Variants in MT1X observed in about 807,000 individuals in gnomAD.
The protein encoded by MT1X is metallothionein 1X.
In MT1X, 7 loss-of-function variants were observed where a neutral mutation model predicts 8.6. The observed-to-expected ratio is 0.81, with a 90% CI of 0.46 to 1.52. MT1X has a LOEUF of 1.52. MT1X is among the 40% of genes most tolerant of loss of function. The pLI is 0.01. For synonymous variants in MT1X, 25 were observed against 27.6 expected, an observed-to-expected ratio of 0.91 and a Z score of 0.30; for missense variants, 72 against 74.3, an observed-to-expected ratio of 0.97 and a Z score of 0.11.
At chr16:56,683,438 A>AC in intron 2 of MT1X, 1 of 569,116 alleles carries the variant, frequency 1.8e-6, no homozygotes, top group East Asian at 3.3e-5. Context: ...CAGAGAGGTT[A>AC]CCAGATAGTG....
intron 1 of MT1X, chr16:56,682,835 G>A: frequency 1.7e-6 from 1 of 598,304 alleles, no homozygotes; most frequent in Non-Finnish European, 2.9e-6. Context: ...CCAATGCTCT[G>A]ACCAGGCTCT....
At chr16:56,683,913 C>T in intron 2 of MT1X, 45 bp from the exon 3 acceptor site, 1 of 1,612,354 alleles carries the variant, frequency 6.2e-7, no homozygotes, top group Admixed American at 1.7e-5. Flanking sequence ...AGGGAGGTGC[C>T]TGATTGAGTC....
In MT1X at chr16:56,684,000, A is replaced by G; in HGVS notation, c.137A>G (p.Gln46Arg). 1 of 1,614,044 alleles carries G rather than the reference A, an allele frequency of 6.2e-7. No homozygotes were observed. The highest frequency in any genetic ancestry group is 8.5e-7 in the Non-Finnish European group (1 of 1,179,980). Residue 46 changes from glutamine to arginine, a missense_variant, in exon 3 of 3, where the codon CAG becomes CGG. Transcript: ENST00000394485. ...CCTGTGGGCTGTGCCAAGTGTGCCC[A>G]GGGCTGCATCTGCAAAGGGACGTCA... Reference protein sequence around the residue: ...CCPVGCAKCAQGCICKGTSDK... With the variant: ...CCPVGCAKCARGCICKGTSDK...
chr16:56,682,771 C>T lies in MT1X; in HGVS notation c.28+203C>T. 6.1e-6 allele frequency: 4 copies of T among 654,422 alleles called. No homozygotes were observed. The South Asian group carries it at 7.7e-5, about 13-fold the overall frequency. The allele number at this position is 654,422 out of a possible 1,614,324, so 40.5% of individuals were successfully genotyped here. Reference sequence around the variant, plus strand: ...AGTTAGAGTTGAGGGTACTGAGGCCCAAGGCTGTCCTGCTCCATGTCACCC... The same window carrying T: ...AGTTAGAGTTGAGGGTACTGAGGCCTAAGGCTGTCCTGCTCCATGTCACCC... On this transcript the variant is annotated intron_variant, in intron 1 of 2. Coordinates refer to ENST00000394485, the MANE Select transcript of MT1X (RefSeq NM_005952.4).
At position 56,684,089 on chromosome 16, in the gene MT1X, C is replaced by G. The variant is rs1406349375; in HGVS notation, c.*40C>G. 1.9e-6 allele frequency: 3 copies of G among 1,548,888 alleles called. No homozygotes were observed. The highest frequency in any genetic ancestry group is 1.4e-5 in the African/African-American group (1 of 71,264). ...TGCTCTCAGATGTAAATAGAGCAAC[C>G]TATATAAACCTGGATTTTTTTTTTT... On this transcript the variant is annotated 3_prime_UTR_variant, in exon 3 of 3. Coordinates refer to ENST00000394485, the MANE Select transcript of MT1X (RefSeq NM_005952.4).
intron 2 of MT1X, 114 bp from the exon 3 acceptor site, chr16:56,683,844 C>A: frequency 6.9e-7 from 1 of 1,459,222 alleles, no homozygotes; most frequent in Non-Finnish European, 9.4e-7. Flanking sequence ...GCCATGCCAT[C>A]CTGAAATGAT....
At chr16:56,683,112 C>T in intron 1 of MT1X, 53 bp from the exon 2 acceptor site, 1 of 1,605,572 alleles carries the variant, frequency 6.2e-7, no homozygotes, top group Non-Finnish European at 8.5e-7. Context: ...TGACCAGCTG[C>T]TGTACCTTCT....
intron 2 of MT1X, chr16:56,683,620 C>T (rs1961028196): frequency 7.6e-6 from 3 of 394,524 alleles, no homozygotes; most frequent in Non-Finnish European, 1.4e-5. Flanking sequence ...CCCTAGCCTT[C>T]CCCAGAACTG....
chr16:56,683,173 T>G lies in MT1X; in HGVS notation c.37T>G (p.Cys13Gly), dbSNP rs1961022235. Residue 13 changes from cysteine (C) to glycine (G), a missense_variant, in exon 2 of 3, where the codon TGT becomes GGT. Physicochemically the swap from Cys to Gly is radical, Grantham distance 159. Coordinates refer to ENST00000394485, the MANE Select transcript of MT1X (RefSeq NM_005952.4). Reference protein sequence around the residue: ...PNCSCSPVGSCACAGSCKCKE... With the variant: ...PNCSCSPVGSGACAGSCKCKE... ...TTTTCTCTTCCTTGCAGTTGGCTCC[T>G]GTGCCTGTGCCGGCTCCTGCAAATG... 1 of 1,613,888 alleles carries G rather than the reference T, an allele frequency of 6.2e-7. No homozygotes were observed. The highest frequency in any genetic ancestry group is 8.5e-7 in the Non-Finnish European group (1 of 1,179,916).
chr16:56,684,149 T>A lies in MT1X; in HGVS notation c.*100T>A. 1.5e-6 allele frequency: 2 copies of A among 1,376,124 alleles called. No individual in the cohort carries two copies. Among genetic ancestry groups the A allele is most frequent in the Middle Eastern group, 1.9e-4 (1 of 5,342 alleles). The allele number at this position is 1,376,124 out of a possible 1,614,324, so 85.2% of individuals were successfully genotyped here. ...GTACAACCCTGACCCGTTTGCTACA[T>A]CTTTTTTTCTATGAAATATGTGAAT... On this transcript the variant is annotated 3_prime_UTR_variant, in exon 3 of 3. Coordinates refer to ENST00000394485, the MANE Select transcript of MT1X (RefSeq NM_005952.4).
rs1961025212 is a variant in MT1X at position 56,683,330 on chromosome 16, C to CAA, written c.94+102_94+103dup. On this transcript the variant is annotated intron_variant, in intron 2 of 2. Transcript: ENST00000394485. ...GGGGCAGGCCAATGACCAGCTTCCC[C>CAA]AAACCCCTCCTTCAACACCTGATTC... The CAA allele has an allele frequency of 3.6e-6, 5 of 1,383,950 alleles. No individual in the cohort carries two copies. The African/African-American group carries it at 5.7e-5, about 16-fold the overall frequency. The allele number at this position is 1,383,950 out of a possible 1,614,324, so 85.7% of individuals were successfully genotyped here.
At chr16:56,682,869 TGG>T in intron 1 of MT1X, 1 of 590,450 alleles carries the variant, frequency 1.7e-6, no homozygotes, top group Non-Finnish European at 3.0e-6. Context: ...GGATGGGAAG[TGG>T]GGGGCCATTG....
chr16:56,683,285 A>G, intron 2 of MT1X, 55 bp downstream of exon 2: 1 of 1,604,920 alleles, frequency 6.2e-7, no homozygotes, highest in Non-Finnish European at 8.5e-7. Flanking sequence ...TAGAGCAGGG[A>G]ACCCAGAGCT....
At chr16:56,683,362 A>G (rs886941658) in intron 2 of MT1X, 132 bp downstream of exon 2, 95 of 1,064,760 alleles carry the variant, frequency 8.9e-5, no homozygotes, top group Non-Finnish European at 1.2e-4. Flanking sequence ...ATTCAGAATC[A>G]GACCTCAAAT....
rs747646095 is a variant in MT1X, at chr16:56,683,229, G to C, written c.93G>C (p.Lys31Asn). 1 of 1,613,942 alleles carries C rather than the reference G, an allele frequency of 6.2e-7. No individual in the cohort carries two copies. Among genetic ancestry groups the C allele is most frequent in the Admixed American group, 1.7e-5 (1 of 60,020 alleles). The change falls in exon 2 of 3, where the codon AAG (lysine) becomes AAC (asparagine). Residue 31 changes from lysine to asparagine, a missense_variant and splice_region_variant. Coordinates refer to ENST00000394485, the MANE Select transcript of MT1X (RefSeq NM_005952.4). Reference protein sequence around the residue: ...CKECKCTSCKKSCCSCCPVGC... With the variant: ...CKECKCTSCKNSCCSCCPVGC... ...AGTGCAAATGCACCTCCTGCAAGAAGAGTGAGTGCAGGGCCTTCCCTGCGA... is the reference window on the plus strand; with the variant it reads ...AGTGCAAATGCACCTCCTGCAAGAACAGTGAGTGCAGGGCCTTCCCTGCGA...
chr16:56,682,861 A>T (rs1027774691), intron 1 of MT1X: 1 of 591,676 alleles, frequency 1.7e-6, no homozygotes, highest in Non-Finnish European at 3.0e-6. Flanking sequence ...GTCAGGGTGG[A>T]TGGGAAGTGG....
intron 1 of MT1X, 190 bp from the exon 2 acceptor site, chr16:56,682,972 AAGC>A: frequency 1.5e-6 from 1 of 678,972 alleles, no homozygotes; most frequent in Non-Finnish European, 2.5e-6. Context: ...TGTGGGGTAA[AAGC>A]AACAGAACAC....
intron 2 of MT1X, 173 bp downstream of exon 2, chr16:56,683,403 T>G (rs1282758452): frequency 1.5e-6 from 1 of 681,618 alleles, no homozygotes; most frequent in Non-Finnish European, 2.4e-6. Context: ...CCCAGCCTCT[T>G]ATTACCAAAC....
chr16:56,683,097 G>A (rs1227388992), intron 1 of MT1X, 68 bp from the exon 2 acceptor site: 4 of 1,582,248 alleles, frequency 2.5e-6, no homozygotes, highest in Non-Finnish European at 3.5e-6. Context: ...TCACTGAAGC[G>A]TTATTGACCA....
Sources: gnomAD v4.1 joint callset for allele counts on GRCh38, gnomAD v4.1.1 for gene constraint, MANE v1.5 for transcripts, NCBI Gene and HGNC (gene_info 2026-07-23, HGNC 2026-07-21) for gene names.